DLG2: variants seen among roughly 807,000 people sequenced by gnomAD.
DLG2 encodes discs large MAGUK scaffold protein 2.
DLG2 carries 45 observed loss-of-function variants against 132.5 expected under a neutral mutation model. That is an observed-to-expected ratio of 0.34 (90% CI 0.27 to 0.44). The LOEUF is 0.44. DLG2 is among the 20% of genes least tolerant of loss of function. DLG2 has a pLI of 1.00. For missense variants in DLG2, 1,045 were observed against 1,196.9 expected (o/e 0.87, Z 1.87); for synonymous variants, 424 against 419.6 (o/e 1.01, Z -0.13).
At position 85,387,316 on chromosome 11, in the gene DLG2, T is replaced by C. The variant is rs192656138; in HGVS notation, c.41-101951A>G. Among the ~76,000 whole-genome samples the C allele has an allele frequency of 1.6e-3, 251 of 152,344 alleles. 3 individuals are homozygous for C. Among genetic ancestry groups the C allele is most frequent in the Admixed American group, 1.8e-3 (28 of 15,306 alleles). ...TTCAAGCAGTTGTTCCAGTAAACTA[T>C]AAGATGATATTTAGTCCATTCTACC... On this transcript the variant is annotated intron_variant, in intron 3 of 27. Coordinates refer to ENST00000376104, the MANE Select transcript of DLG2 (RefSeq NM_001142699.3).
chr11:85,606,574 A>G (rs1430544501), intron 2 of DLG2, among the ~76,000 whole-genome samples: 1 of 152,152 alleles, frequency 6.6e-6, no homozygotes, highest in Admixed American at 6.6e-5. Flanking sequence ...GTGGGGCCAA[A>G]TAAGGGAATA....
At chr11:84,430,528 T>C (rs559625249) in intron 7 of DLG2, among the ~76,000 whole-genome samples, 1 of 151,916 alleles carries the variant, frequency 6.6e-6, no homozygotes, top group African/African-American at 2.4e-5. Flanking sequence ...AATGAGATGG[T>C]ATGTGTAAAA....
intron 6 of DLG2, among the ~76,000 whole-genome samples, chr11:84,662,273 T>C (rs1186559665): frequency 6.7e-6 from 1 of 150,052 alleles, no homozygotes; most frequent in Admixed American, 6.7e-5. Flanking sequence ...GCCTCCCAGG[T>C]TCAAATGATT....
intron 6 of DLG2, among the ~76,000 whole-genome samples, chr11:84,671,906 T>C (rs2099706298): frequency 6.6e-6 from 1 of 152,152 alleles, no homozygotes; most frequent in South Asian, 2.1e-4. Flanking sequence ...GTCTTCCTCT[T>C]GTATTTGCAT....
intron 3 of DLG2, among the ~76,000 whole-genome samples, chr11:85,330,707 G>A (rs2081644193): frequency 9.4e-6 from 1 of 106,408 alleles, no homozygotes; most frequent in Non-Finnish European, 1.8e-5. Context: ...CAGCGCACCA[G>A]CATGGCACAT....
intron 7 of DLG2, among the ~76,000 whole-genome samples, chr11:84,497,635 C>T (rs2099188479): frequency 6.6e-6 from 1 of 152,128 alleles, no homozygotes; most frequent in Non-Finnish European, 1.5e-5. Flanking sequence ...GCATGGCTCA[C>T]ATAATACAAA....
chr11:85,488,443 C>T (rs1334441704), intron 3 of DLG2, among the ~76,000 whole-genome samples: 1 of 151,864 alleles, frequency 6.6e-6, no homozygotes, highest in Non-Finnish European at 1.5e-5. Context: ...TACCTCCTGC[C>T]ATGATTCTGA....
intron 18 of DLG2, among the ~76,000 whole-genome samples, chr11:83,749,101 A>T (rs1162981637): frequency 6.6e-6 from 1 of 152,152 alleles, no homozygotes; most frequent in African/African-American, 2.4e-5. Flanking sequence ...GTTGACCATC[A>T]TAGGCAATAG....
At chr11:83,571,371 C>T (rs535348224) in intron 19 of DLG2, among the ~76,000 whole-genome samples, 1 of 151,838 alleles carries the variant, frequency 6.6e-6, no homozygotes, top group Non-Finnish European at 1.5e-5. Flanking sequence ...CTGAATTCTA[C>T]CTCCTCCACT....
intron 17 of DLG2, among the ~76,000 whole-genome samples, chr11:83,815,566 C>T (rs2048644544): frequency 1.3e-5 from 2 of 152,114 alleles, no homozygotes; most frequent in Non-Finnish European, 2.9e-5. Flanking sequence ...GCCTACGCTC[C>T]AGCTGGACCA....
intron 4 of DLG2, among the ~76,000 whole-genome samples, chr11:85,181,810 C>T (rs1303515389): frequency 6.6e-6 from 1 of 151,510 alleles, no homozygotes; most frequent in Non-Finnish European, 1.5e-5. Flanking sequence ...TCGATATTTT[C>T]AACCAGGCTT....
intron 6 of DLG2, among the ~76,000 whole-genome samples, chr11:84,892,175 C>T (rs776679504): frequency 2.0e-5 from 3 of 152,102 alleles, no homozygotes; most frequent in Admixed American, 6.6e-5. Context: ...TGTTGTGACA[C>T]ATGAAAGGCA....
At chr11:84,251,129 C>T in intron 8 of DLG2, 109 bp downstream of exon 8, 1 of 614,326 alleles carries the variant, frequency 1.6e-6, no homozygotes, top group Non-Finnish European at 2.7e-6. Flanking sequence ...ACATGTCATT[C>T]CATAAGATTA....
intron 7 of DLG2, among the ~76,000 whole-genome samples, chr11:84,524,140 T>G (rs1305892322): frequency 6.6e-6 from 1 of 152,184 alleles, no homozygotes; most frequent in Non-Finnish European, 1.5e-5. Context: ...TCATAATGCT[T>G]TAAGAAAGTT....
At chr11:83,971,233 G>A (rs2091272398) in intron 12 of DLG2, among the ~76,000 whole-genome samples, 1 of 152,020 alleles carries the variant, frequency 6.6e-6, no homozygotes, top group African/African-American at 2.4e-5. Flanking sequence ...GCTCTCTGTG[G>A]GGTGCACCAC....
At chr11:83,974,441 C>A (rs114336816) in intron 12 of DLG2, among the ~76,000 whole-genome samples, 1,610 of 110,096 alleles carry the variant, frequency 0.015, 32 homozygotes, top group African/African-American at 0.052. Context: ...GAGTATATTC[C>A]ACTAAACACT....
In DLG2 at chr11:85,462,997, G is replaced by A. The variant is rs1009467533; in HGVS notation, c.40+135660C>T. On this transcript the variant is annotated intron_variant, in intron 3 of 27. Transcript: ENST00000376104. Reference sequence around the variant, plus strand: ...TAAAGAAGTCATATGAGTAGACAGCGAGAAGGCAGCCATCTGCCCAAGGGG... The same window carrying A: ...TAAAGAAGTCATATGAGTAGACAGCAAGAAGGCAGCCATCTGCCCAAGGGG... 2.2e-4 allele frequency among the ~76,000 whole-genome samples: 33 copies of A among 152,130 alleles called. 1 individual carries two copies. Among genetic ancestry groups the A allele is most frequent in the Non-Finnish European group, 4.4e-4 (30 of 68,024 alleles).
intron 11 of DLG2, among the ~76,000 whole-genome samples, chr11:84,028,052 TAAAAA>T (rs368079509): frequency 2.7e-5 from 4 of 146,736 alleles, no homozygotes; most frequent in Non-Finnish European, 4.5e-5. Flanking sequence ...TTGTCCAGAT[TAAAAA>T]AAAAAAAAAC....
intron 16 of DLG2, among the ~76,000 whole-genome samples, chr11:83,866,976 C>T (rs2062511664): frequency 6.6e-6 from 1 of 152,126 alleles, no homozygotes; most frequent in Non-Finnish European, 1.5e-5. Flanking sequence ...TCCATTTTTT[C>T]TAATTCGGTA....
Sources: gnomAD v4.1 joint callset for allele counts (sites outside exome capture counted in the v4.1 genomes callset) on GRCh38, gnomAD v4.1.1 for gene constraint, MANE v1.5 for transcripts, NCBI Gene and HGNC (gene_info 2026-07-23, HGNC 2026-07-21) for gene names.